The following DRG1 variants were observed in gnomAD, a reference collection of about 807,000 sequenced individuals.
DRG1 encodes developmentally regulated GTP binding protein 1.
In DRG1, 19 loss-of-function variants were observed where a neutral mutation model predicts 38.8. The ratio of observed to expected loss-of-function variants is 0.49; its 90% CI spans 0.34 to 0.72. The LOEUF is 0.72. Ranked by LOEUF, DRG1 falls within the 30% of genes least tolerant of loss-of-function variation. DRG1 has a pLI of 0.01. For synonymous variants in DRG1, 167 were observed against 157.5 expected (o/e 1.06, Z -0.45); for missense variants, 299 against 444.8 (o/e 0.67, Z 2.95).
At chr22:31,427,307 C>A in intron 8 of DRG1, 125 bp downstream of exon 8, 1 of 1,283,374 alleles carries the variant, frequency 7.8e-7, no homozygotes, top group Non-Finnish European at 1.0e-6. Flanking sequence ...GTTTGCTTGG[C>A]TAGAACTCTG....
At chr22:31,432,025 T>C (rs2050141857) in intron 8 of DRG1, among the ~76,000 whole-genome samples, 2 of 149,722 alleles carry the variant, frequency 1.3e-5, no homozygotes, top group South Asian at 4.2e-4. Context: ...CAGGATTTTA[T>C]TTGCTCTTAT....
Position 31,426,068 on chromosome 22 carries a change from T to G in DRG1, c.714-547T>G, listed in dbSNP as rs2050108627. Among the ~76,000 whole-genome samples the G allele has an allele frequency of 1.3e-5, 2 of 152,184 alleles. 1 individual carries two copies. Among genetic ancestry groups the G allele is most frequent in the South Asian group, 4.1e-4 (2 of 4,830 alleles). The stretch of plus-strand genomic sequence containing the variant: ...TACCAATAAATAAAACACTTATTTT[T>G]TAGTCTTTAAGTATAAATTATGTTT... On this transcript the variant is annotated intron_variant, in intron 6 of 8. Transcript: ENST00000331457.
chr22:31,424,357 G>A (rs2050095491), intron 6 of DRG1, among the ~76,000 whole-genome samples: 1 of 151,812 alleles, frequency 6.6e-6, no homozygotes, highest in Admixed American at 6.6e-5. Flanking sequence ...CATCATGTTG[G>A]CCAGACTGGT....
chr22:31,399,911 C>A (rs911655931), intron 1 of DRG1, among the ~76,000 whole-genome samples, 186 bp downstream of exon 1: 2 of 152,204 alleles, frequency 1.3e-5, no homozygotes, highest in African/African-American at 4.8e-5. Flanking sequence ...CAGTCAGGGC[C>A]CCCTTTCCCC....
rs368530209 is a variant in DRG1, at chr22:31,418,045, C to G, written c.413-2211C>G. ...GGCATGGTGGCTCACGCCTGTAATC[C>G]CAACACTTTGGGAGGCCGAGGTGGG... On this transcript the variant is annotated intron_variant, in intron 4 of 8. Transcript: ENST00000331457. 5.3e-5 allele frequency among the ~76,000 whole-genome samples: 8 copies of G among 151,624 alleles called. No homozygotes were observed. In the East Asian group the frequency reaches 1.6e-3, roughly 30 times the overall value.
intron 4 of DRG1, among the ~76,000 whole-genome samples, chr22:31,412,407 G>A (rs959791271): frequency 2.5e-5 from 3 of 120,180 alleles, no homozygotes; most frequent in African/African-American, 9.8e-5. Context: ...CTAGAATGCT[G>A]TGGTGCCATC....
intron 4 of DRG1, among the ~76,000 whole-genome samples, chr22:31,411,322 A>G (rs909198533): frequency 5.3e-5 from 8 of 152,260 alleles, no homozygotes; most frequent in African/African-American, 1.2e-4. Flanking sequence ...AAATGTGCCT[A>G]GTACAATTAA....
At chr22:31,418,674 A>ATTAT (rs1007849238) in intron 4 of DRG1, among the ~76,000 whole-genome samples, 15 of 151,398 alleles carry the variant, frequency 9.9e-5, no homozygotes, top group East Asian at 1.9e-4. Flanking sequence ...TGGCCAGCTA[A>ATTAT]TTATTTATTT....
chr22:31,430,200 G>C (rs2050131355), intron 8 of DRG1, among the ~76,000 whole-genome samples: 1 of 152,160 alleles, frequency 6.6e-6, no homozygotes, highest in Admixed American at 6.6e-5. Flanking sequence ...TTAGCAAGTA[G>C]GTTATCATTG....
Position 31,420,319 on chromosome 22 carries a change from A to T in DRG1, c.476A>T (p.Lys159Met). ...LDVLKPLGHK[K>M]IIENELEGFG... ...GTCCTGAAACCTTTGGGACATAAGA[A>T]GATAATTGAAAATGAGCTGGAAGGC... Residue 159 changes from lysine (K) to methionine (M), a missense_variant, in exon 5 of 9, where the codon AAG (lysine) becomes ATG (methionine). Lys to Met is a moderately conservative substitution (Grantham distance 95, BLOSUM62 -1). Transcript: ENST00000331457. The T allele has an allele frequency of 6.2e-7, 1 of 1,614,200 alleles. No homozygotes were observed. The highest frequency in any genetic ancestry group is 8.5e-7 in the Non-Finnish European group (1 of 1,180,038).
chr22:31,419,918 C>T (rs2050066748), intron 4 of DRG1, among the ~76,000 whole-genome samples: 2 of 152,114 alleles, frequency 1.3e-5, no homozygotes, highest in African/African-American at 2.4e-5. Context: ...TGGCATGTGC[C>T]TGTAGTCCCA....
rs769703185 is a variant in DRG1 at position 31,423,268 on chromosome 22, A to C, written c.583-12A>C. The C allele has an allele frequency of 6.2e-7, 1 of 1,613,680 alleles. No homozygotes were observed. Among genetic ancestry groups the C allele is most frequent in the Non-Finnish European group, 8.5e-7 (1 of 1,179,988 alleles). On this transcript the variant is annotated splice_polypyrimidine_tract_variant and intron_variant, in intron 5 of 8. Coordinates refer to ENST00000331457, the MANE Select transcript of DRG1 (RefSeq NM_004147.4). ...ATTTTGTGCTGACTAGTCATCTGCT[A>C]TTCCCTTTCAGTGCCCCCAGAGTGA...
intron 4 of DRG1, among the ~76,000 whole-genome samples, chr22:31,416,433 T>C (rs2050044711): frequency 6.6e-6 from 1 of 152,174 alleles, no homozygotes; most frequent in South Asian, 2.1e-4. Context: ...GACCTCCTTT[T>C]CTATCACTTC....
chr22:31,431,019 T>TCC (rs10570678), intron 8 of DRG1, among the ~76,000 whole-genome samples: 28 of 80,996 alleles, frequency 3.5e-4, no homozygotes, highest in East Asian at 6.7e-4. Flanking sequence ...CACCCGGCCT[T>TCC]CCCCCCCCCC....
chr22:31,426,000 A>C (rs1160394338), intron 6 of DRG1, among the ~76,000 whole-genome samples: 1 of 152,246 alleles, frequency 6.6e-6, no homozygotes, highest in African/African-American at 2.4e-5. Context: ...TAGGAATATG[A>C]CATTGGTAGA....
intron 2 of DRG1, among the ~76,000 whole-genome samples, chr22:31,401,643 C>G (rs944093444): frequency 6.7e-6 from 1 of 148,944 alleles, no homozygotes; most frequent in Non-Finnish European, 1.5e-5. Flanking sequence ...GTGGTCTCAG[C>G]TACTTGGGAG....
chr22:31,419,187 C>T lies in DRG1; in HGVS notation c.413-1069C>T, dbSNP rs549826524. On this transcript the variant is annotated intron_variant, in intron 4 of 8. Transcript: ENST00000331457. ...ATACTGTGACTCATGCCTGCAGTCT[C>T]GGCAGTTTGGGAGACCAAGGCAGGA... Among the ~76,000 whole-genome samples the T allele has an allele frequency of 3.5e-4, 53 of 152,020 alleles. 1 individual carries two copies. Among genetic ancestry groups the T allele is most frequent in the Middle Eastern group, 3.4e-3 (1 of 294 alleles).
At chr22:31,405,207 C>T (rs1420303700) in intron 3 of DRG1, among the ~76,000 whole-genome samples, 1 of 149,216 alleles carries the variant, frequency 6.7e-6, no homozygotes, top group East Asian at 2.0e-4. Flanking sequence ...CTTGCTGTGT[C>T]ACCCAGGCTG....
At chr22:31,432,901 A>G (rs777882165) in intron 8 of DRG1, among the ~76,000 whole-genome samples, 1 of 151,936 alleles carries the variant, frequency 6.6e-6, no homozygotes, top group African/African-American at 2.4e-5. Context: ...CAATGATAAT[A>G]TAACAACAAT....
Sources: allele counts gnomAD v4.1 joint callset (sites outside exome capture counted in the v4.1 genomes callset), GRCh38; gene constraint gnomAD v4.1.1; transcripts MANE v1.5; gene names NCBI Gene and HGNC (gene_info 2026-07-23, HGNC 2026-07-21).